Variants in FAM163A observed in about 807,000 individuals in gnomAD.
FAM163A encodes the protein protein FAM163A.
Under a neutral mutation model 12.0 loss-of-function variants are expected in FAM163A, and 7 were observed. The ratio of observed to expected loss-of-function variants is 0.58; its 90% confidence interval spans 0.33 to 1.10. The LOEUF (loss-of-function observed/expected upper bound fraction) is 1.10. Ranked by LOEUF, FAM163A falls within the 50% of genes least tolerant of loss-of-function variation. The pLI is 0.03. For synonymous variants in FAM163A, 101 were observed against 91.0 expected (o/e 1.11, Z -0.62); for missense variants, 202 against 218.6 (o/e 0.92, Z 0.48).
intron 1 of FAM163A, among the ~76,000 whole-genome samples, chr1:179,789,363 G>A (rs1024467272): frequency 2.0e-5 from 3 of 152,166 alleles, no homozygotes; most frequent in African/African-American, 7.2e-5. Flanking sequence ...TGCATTTTTA[G>A]TAGAGATGGG....
intron 1 of FAM163A, among the ~76,000 whole-genome samples, chr1:179,769,384 C>T (rs928999865): frequency 6.6e-6 from 1 of 151,712 alleles, no homozygotes; most frequent in African/African-American, 2.4e-5. Flanking sequence ...AACTCCTGGG[C>T]TCAAATGGTC....
chr1:179,792,594 C>A (rs1571508641), intron 1 of FAM163A, among the ~76,000 whole-genome samples: 1 of 152,204 alleles, frequency 6.6e-6, no homozygotes, highest in East Asian at 1.9e-4. Flanking sequence ...ATAGGAAGAC[C>A]TGAGAACTAG....
At chr1:179,777,385 C>T (rs1190066427) in intron 1 of FAM163A, among the ~76,000 whole-genome samples, 1 of 152,166 alleles carries the variant, frequency 6.6e-6, no homozygotes, top group African/African-American at 2.4e-5. Context: ...ACCCCAAATT[C>T]TAACATGTAA....
intron 1 of FAM163A, among the ~76,000 whole-genome samples, chr1:179,802,055 CTTTT>C (rs3029137): frequency 7.2e-4 from 110 of 152,314 alleles, no homozygotes; most frequent in African/African-American, 2.3e-3. Flanking sequence ...TTTCTTTTCT[CTTTT>C]TGTTTGACTT....
intron 1 of FAM163A, among the ~76,000 whole-genome samples, chr1:179,807,586 C>A (rs1694123536): frequency 6.6e-6 from 1 of 152,218 alleles, no homozygotes; most frequent in African/African-American, 2.4e-5. Flanking sequence ...GGAGACAAAG[C>A]TGGGATAGGT....
Position 179,814,519 on chromosome 1 carries a change from C to T in FAM163A, c.*330C>T. 1 of 244,368 alleles carries T rather than the reference C, an allele frequency of 4.1e-6. No homozygotes were observed. The highest frequency in any genetic ancestry group is 7.9e-6 in the Non-Finnish European group (1 of 126,848). 15.1% of individuals were successfully genotyped at this position (244,368 alleles called of 1,614,324 possible). ...CCAGTCCCCTGGATTCGCTGGACTG[C>T]AAAAAGGAGCACCAGGGAAAGCTCA... On this transcript the variant is annotated 3_prime_UTR_variant, in exon 5 of 5. Coordinates refer to ENST00000341785, the MANE Select transcript of FAM163A (RefSeq NM_173509.3).
chr1:179,767,473 A>G (rs945852576), intron 1 of FAM163A, among the ~76,000 whole-genome samples: 1 of 152,088 alleles, frequency 6.6e-6, no homozygotes, highest in Admixed American at 6.5e-5. Context: ...ACACATTTGT[A>G]TCTGTCACTT....
intron 1 of FAM163A, among the ~76,000 whole-genome samples, chr1:179,758,699 A>G (rs1571343863): frequency 1.3e-5 from 2 of 152,336 alleles, no homozygotes; most frequent in East Asian, 3.9e-4. Context: ...ATGCACTGGT[A>G]GGGCCATGCA....
chr1:179,735,237 G>T, the FAM163A span, among the ~76,000 whole-genome samples: 1 of 152,130 alleles, frequency 6.6e-6, no homozygotes, highest in Admixed American at 6.5e-5. Context: ...GCAAGCTAAA[G>T]ATAACTAAAA....
chr1:179,814,011 C>T lies in FAM163A; in HGVS notation c.326C>T (p.Thr109Met), dbSNP rs138488792. 2.5e-6 allele frequency: 4 copies of T among 1,612,940 alleles called. No individual in the cohort carries two copies. The highest frequency in any genetic ancestry group is 2.2e-5 in the South Asian group (2 of 91,010). The change falls in exon 5 of 5, where the codon ACG (threonine) becomes ATG (methionine). Residue 109 changes from threonine (T) to methionine (M), a missense_variant. Physicochemically the swap from Thr to Met is moderately conservative, Grantham distance 81. Coordinates refer to ENST00000341785, the MANE Select transcript of FAM163A (RefSeq NM_173509.3). ...TACAGCTCCCCCTTTTACATACGGA[C>T]GGCTGACATGGTGCCCAATGGGGGT... ...SPYSSPFYIR[T>M]ADMVPNGGGG...
intron 1 of FAM163A, among the ~76,000 whole-genome samples, chr1:179,744,721 C>A (rs1389405761): frequency 6.6e-6 from 1 of 152,164 alleles, no homozygotes; most frequent in African/African-American, 2.4e-5. Flanking sequence ...TCATTTCGCC[C>A]ACCTGGGCCC....
At chr1:179,744,409 A>ACCCGG (rs1201898710) in intron 1 of FAM163A, among the ~76,000 whole-genome samples, 3 of 151,898 alleles carry the variant, frequency 2.0e-5, no homozygotes, top group Non-Finnish European at 4.4e-5. Flanking sequence ...GGACCCCGCC[A>ACCCGG]CCCGGCCTGG....
rs147599117 is a variant in FAM163A at position 179,797,718 on chromosome 1, G to C, written c.-135-10080G>C. On this transcript the variant is annotated intron_variant, in intron 1 of 4. Coordinates refer to ENST00000341785, the MANE Select transcript of FAM163A (RefSeq NM_173509.3). Reference sequence around the variant, plus strand: ...CTATATATATATAATTTTTATCTGTGAATTAAAAAAATCTAAGCAGAGGTT... The same window carrying C: ...CTATATATATATAATTTTTATCTGTCAATTAAAAAAATCTAAGCAGAGGTT... 9.1e-3 allele frequency among the ~76,000 whole-genome samples: 1,388 copies of C among 151,968 alleles called. 23 individuals carry two copies. The highest frequency in any genetic ancestry group is 0.032 in the African/African-American group (1,311 of 41,412).
At chr1:179,783,660 T>G (rs1300857879) in intron 1 of FAM163A, among the ~76,000 whole-genome samples, 1 of 142,186 alleles carries the variant, frequency 7.0e-6, no homozygotes, top group Admixed American at 7.0e-5. Context: ...TGATCCTGTT[T>G]GTATTAACCG....
At chr1:179,777,632 G>A (rs770113321) in intron 1 of FAM163A, among the ~76,000 whole-genome samples, 3 of 152,198 alleles carry the variant, frequency 2.0e-5, no homozygotes, top group Non-Finnish European at 2.9e-5. Flanking sequence ...TCAAAGAGCC[G>A]TACCTGGGTG....
chr1:179,769,273 G>A (rs997437206), intron 1 of FAM163A, among the ~76,000 whole-genome samples: 1 of 151,944 alleles, frequency 6.6e-6, no homozygotes, highest in South Asian at 2.1e-4. Flanking sequence ...AGCCTCCTGA[G>A]TAGCTGAGAC....
At position 179,767,787 on chromosome 1, in the gene FAM163A, C is replaced by T. The variant is rs1020374825; in HGVS notation, c.-136+24364C>T. 7.9e-5 allele frequency among the ~76,000 whole-genome samples: 12 copies of T among 152,248 alleles called. 1 individual carries two copies. The highest frequency in any genetic ancestry group is 2.6e-4 in the Admixed American group (4 of 15,300). On this transcript the variant is annotated intron_variant, in intron 1 of 4. Transcript: ENST00000341785. Reference sequence around the variant, plus strand: ...AATGTAACAGCATCCCAGAATTTTACGATGGCCCTCTAATTCCTATAGCCA... The same window carrying T: ...AATGTAACAGCATCCCAGAATTTTATGATGGCCCTCTAATTCCTATAGCCA...
At chr1:179,744,769 C>T (rs1490087418) in intron 1 of FAM163A, among the ~76,000 whole-genome samples, 1 of 152,174 alleles carries the variant, frequency 6.6e-6, no homozygotes, top group South Asian at 2.1e-4. Context: ...CCTGAGATTC[C>T]GAGGGGGCCG....
intron 1 of FAM163A, among the ~76,000 whole-genome samples, chr1:179,764,567 T>C (rs978646447): frequency 6.6e-5 from 10 of 152,208 alleles, no homozygotes; most frequent in African/African-American, 2.4e-4. Context: ...AATCAACTTG[T>C]CAAGGACTCT....
Sources: gnomAD v4.1 joint callset for allele counts (sites outside exome capture counted in the v4.1 genomes callset) on GRCh38, gnomAD v4.1.1 for gene constraint, MANE v1.5 for transcripts, NCBI Gene and HGNC (gene_info 2026-07-23, HGNC 2026-07-21) for gene names.